Variants in TBC1D15 observed in about 807,000 individuals in gnomAD.
The protein encoded by TBC1D15 is GAP for RAB7.
TBC1D15 carries 39 observed loss-of-function variants against 95.4 expected under a neutral mutation model. That is an observed-to-expected ratio of 0.41 (90% confidence interval 0.32 to 0.53). The LOEUF is 0.53. Among genes scored for constraint, TBC1D15 ranks in the 20% least tolerant of loss-of-function variants. The pLI, the probability that TBC1D15 is intolerant of heterozygous loss-of-function variation, is 0.29. For synonymous variants in TBC1D15, 258 were observed against 261.3 expected, an observed-to-expected ratio of 0.99 and a Z score of 0.12; for missense variants, 733 against 794.3, an observed-to-expected ratio of 0.92 and a Z score of 0.93.
intron 6 of TBC1D15, among the ~76,000 whole-genome samples, chr12:71,893,731 A>G (rs1315283940): frequency 6.6e-6 from 1 of 151,994 alleles, no homozygotes; most frequent in East Asian, 1.9e-4. Context: ...TGACAATCTT[A>G]TTCCCCTAAG....
intron 1 of TBC1D15, among the ~76,000 whole-genome samples, chr12:71,857,394 A>G (rs969237692): frequency 1.3e-5 from 2 of 152,206 alleles, no homozygotes; most frequent in African/African-American, 4.8e-5. Flanking sequence ...TTTGTGACAA[A>G]TATGCATAGA....
chr12:71,886,592 G>C (rs2138566890), intron 5 of TBC1D15, among the ~76,000 whole-genome samples: 1 of 152,340 alleles, frequency 6.6e-6, no homozygotes, highest in East Asian at 1.9e-4. Flanking sequence ...AAAACTGGAA[G>C]ATTCTCGACT....
chr12:71,878,933 T>C (rs1305403438), intron 3 of TBC1D15, among the ~76,000 whole-genome samples: 2 of 152,194 alleles, frequency 1.3e-5, no homozygotes, highest in African/African-American at 4.8e-5. Flanking sequence ...CCTACTGTTT[T>C]TCAGTCTGTT....
chr12:71,871,717 G>A (rs921292804), intron 1 of TBC1D15, among the ~76,000 whole-genome samples: 1 of 152,206 alleles, frequency 6.6e-6, no homozygotes, highest in South Asian at 2.1e-4. Context: ...AGGTAGTTGG[G>A]ACTACTGGCA....
At chr12:71,914,438 G>T (rs934046345) in intron 12 of TBC1D15, among the ~76,000 whole-genome samples, 2 of 151,904 alleles carry the variant, frequency 1.3e-5, no homozygotes, top group African/African-American at 2.4e-5. Context: ...TATTAGAATT[G>T]AACTGTCTAT....
chr12:71,847,692 CG>C (rs1292568275), intron 1 of TBC1D15, among the ~76,000 whole-genome samples: 1 of 149,084 alleles, frequency 6.7e-6, no homozygotes, highest in East Asian at 2.0e-4. Context: ...GAGACTGTCT[CG>C]AAAAAAAAAC....
intron 5 of TBC1D15, among the ~76,000 whole-genome samples, chr12:71,890,490 G>A (rs916858728): frequency 2.6e-5 from 4 of 151,976 alleles, no homozygotes; most frequent in Non-Finnish European, 5.9e-5. Context: ...TGCATTTGTG[G>A]CCATGTTGTC....
rs765976613 is a variant in TBC1D15 at position 71,885,026 on chromosome 12, G to A, written c.554+5G>A. Reference sequence around the variant, plus strand: ...AAAATATGTGGTATTGTGTGAGTAAGTATCATATTATTTTCTACTTATTGA... The same window carrying A: ...AAAATATGTGGTATTGTGTGAGTAAATATCATATTATTTTCTACTTATTGA... On this transcript the variant is annotated splice_donor_5th_base_variant and intron_variant, in intron 5 of 16. Transcript: ENST00000485960. 1 of 1,611,954 alleles carries A rather than the reference G, an allele frequency of 6.2e-7. No homozygotes were observed. The highest frequency in any genetic ancestry group is 1.7e-5 in the Admixed American group (1 of 59,986).
Position 71,880,620 on chromosome 12 carries a change from T to C in TBC1D15, c.343+13T>C. On this transcript the variant is annotated intron_variant, in intron 4 of 16. Transcript: ENST00000485960. The stretch of plus-strand genomic sequence containing the variant: ...CATACCAATGGAGGTATGAATTAAA[T>C]CTTTTGAAATCTTAAACTGATTTGC... The C allele has an allele frequency of 6.3e-7, 1 of 1,590,994 alleles. No homozygotes were observed. Among genetic ancestry groups the C allele is most frequent in the Non-Finnish European group, 8.5e-7 (1 of 1,171,212 alleles).
chr12:71,880,412 G>T, intron 3 of TBC1D15, 57 bp from the exon 4 acceptor site: 1 of 1,440,072 alleles, frequency 6.9e-7, no homozygotes, highest in Non-Finnish European at 9.4e-7. Flanking sequence ...AGATGATATG[G>T]ATTGAAATTA....
At chr12:71,844,087 T>G (rs1351791028) in intron 1 of TBC1D15, among the ~76,000 whole-genome samples, 4 of 152,202 alleles carry the variant, frequency 2.6e-5, no homozygotes, top group Non-Finnish European at 5.9e-5. Context: ...TCATGAAGTC[T>G]TGTCATTTTG....
At chr12:71,911,478 A>T (rs1902297585) in intron 11 of TBC1D15, among the ~76,000 whole-genome samples, 2 of 151,946 alleles carry the variant, frequency 1.3e-5, no homozygotes, top group Non-Finnish European at 2.9e-5. Flanking sequence ...TTGTAGGGAC[A>T]TGGATGAAAC....
In TBC1D15 at chr12:71,923,053, T is replaced by A. The variant is rs758014976; in HGVS notation, c.1874T>A (p.Val625Asp). Residue 625 changes from valine to aspartate, a missense_variant, in exon 17 of 17, where the codon GTT becomes GAT. Transcript: ENST00000485960. ...GSEVTTPDSDVGEDENVVMTP... is the reference protein window; with the variant it reads ...GSEVTTPDSDDGEDENVVMTP... ...GAAGTTACAACACCAGATTCAGACGTTGGTGAAGACGAAAATGTTGTCATG... is the reference window on the plus strand; with the variant it reads ...GAAGTTACAACACCAGATTCAGACGATGGTGAAGACGAAAATGTTGTCATG... 4.6e-5 allele frequency: 75 copies of A among 1,614,118 alleles called. 1 individual carries two copies. Among genetic ancestry groups the A allele is most frequent in the Non-Finnish European group, 6.4e-5 (75 of 1,180,046 alleles).
At chr12:71,860,968 T>C (rs1171593081) in intron 1 of TBC1D15, among the ~76,000 whole-genome samples, 2 of 152,346 alleles carry the variant, frequency 1.3e-5, no homozygotes, top group East Asian at 3.9e-4. Flanking sequence ...GATGATCGTA[T>C]GATTTTTATC....
chr12:71,860,423 A>ATAAGTGTT (rs1890128261), intron 1 of TBC1D15, among the ~76,000 whole-genome samples: 2 of 152,110 alleles, frequency 1.3e-5, no homozygotes, highest in African/African-American at 4.8e-5. Flanking sequence ...TTAAGTTTTC[A>ATAAGTGTT]TCAGTGTTTG....
rs1255225126 is a variant in TBC1D15 at position 71,874,620 on chromosome 12, TA to T, written c.204+1618del. On this transcript the variant is annotated intron_variant, in intron 3 of 16. Transcript: ENST00000485960. ...TGCCCATTTATTTATTTATATTTAC[TA>T]TTTTTTTTTTTTTTTTTTTGAGACG... Among the ~76,000 whole-genome samples, 6 of 142,152 alleles carry T rather than the reference TA, an allele frequency of 4.2e-5. No homozygotes were observed. In the South Asian group the frequency reaches 1.2e-3, roughly 27 times the overall value. The allele number at this position is 142,152 out of a possible 152,430, so 93.3% of individuals were successfully genotyped here. A position where few individuals can be genotyped will look rare whatever the true frequency, so the allele number is the denominator to read the frequency against.
intron 1 of TBC1D15, among the ~76,000 whole-genome samples, chr12:71,862,370 C>T (rs1253475092): frequency 1.3e-5 from 2 of 152,120 alleles, no homozygotes; most frequent in Non-Finnish European, 2.9e-5. Flanking sequence ...GTGTTGAGTG[C>T]ATATATATTT....
chr12:71,845,104 A>G (rs1275660639), intron 1 of TBC1D15, among the ~76,000 whole-genome samples: 1 of 152,218 alleles, frequency 6.6e-6, no homozygotes, highest in Non-Finnish European at 1.5e-5. Flanking sequence ...ATACACCTGA[A>G]AAAAGGTACA....
chr12:71,861,075 A>G (rs1056114789), intron 1 of TBC1D15, among the ~76,000 whole-genome samples: 1 of 152,150 alleles, frequency 6.6e-6, no homozygotes, highest in African/African-American at 2.4e-5. Flanking sequence ...ATGGTCAGTG[A>G]TCTTTTTAAT....
Sources: gnomAD v4.1 joint callset for allele counts (sites outside exome capture counted in the v4.1 genomes callset) on GRCh38, gnomAD v4.1.1 for gene constraint, MANE v1.5 for transcripts, NCBI Gene and HGNC (gene_info 2026-07-23, HGNC 2026-07-21) for gene names.